Variants in NOL4L observed in about 807,000 individuals in gnomAD.
NOL4L encodes the protein nucleolar protein 4-like.
NOL4L carries 7 observed loss-of-function variants against 64.5 expected under a neutral mutation model. The ratio of observed to expected loss-of-function variants is 0.11; its 90% CI spans 0.06 to 0.20. The LOEUF is 0.20. NOL4L is among the 10% of genes least tolerant of loss of function. The pLI, the probability that NOL4L is intolerant of heterozygous loss-of-function variation, is 1.00. For synonymous variants in NOL4L, 413 were observed against 401.0 expected (o/e 1.03, Z -0.36); for missense variants, 680 against 967.1 (o/e 0.70, Z 3.94).
intron 1 of NOL4L, among the ~76,000 whole-genome samples, chr20:32,566,831 C>A (rs1451683163): frequency 2.6e-5 from 4 of 152,194 alleles, no homozygotes; most frequent in Non-Finnish European, 4.4e-5. Context: ...ACACAGTGGG[C>A]CTGTTCCTTG....
chr20:32,494,270 A>AAAAAAC (rs2016588580), intron 4 of NOL4L, among the ~76,000 whole-genome samples: 1 of 142,876 alleles, frequency 7.0e-6, no homozygotes, highest in African/African-American at 2.8e-5. Flanking sequence ...AAAAAAAAAA[A>AAAAAAC]AAAAAAAAAA....
chr20:32,572,451 G>A (rs914740798), intron 1 of NOL4L: 2 of 152,184 alleles, frequency 1.3e-5, no homozygotes, highest in Admixed American at 6.5e-5. Flanking sequence ...AGTAGCTGAC[G>A]TTGCTCTCCC....
chr20:32,454,771 C>T (rs761353960), intron 6 of NOL4L, among the ~76,000 whole-genome samples: 1 of 152,262 alleles, frequency 6.6e-6, no homozygotes, highest in Non-Finnish European at 1.5e-5. Context: ...GCAGGTAAGG[C>T]AGGCTCAGGG....
rs1290931979 is a variant in NOL4L at position 32,444,649 on chromosome 20, C to G, written c.*2947G>C. The G allele has an allele frequency of 6.6e-6, 1 of 152,254 alleles. No individual in the cohort carries two copies. The highest frequency in any genetic ancestry group is 6.5e-5 in the Admixed American group (1 of 15,290). 9.4% of individuals were successfully genotyped at this position (152,254 alleles called of 1,614,324 possible). On this transcript the variant is annotated 3_prime_UTR_variant, in exon 11 of 11. Transcript: ENST00000621426. Reference sequence around the variant, plus strand: ...TGATGATCCACCACTAAGACCAATGCCCACTTCTCTGATGCTACCCTTCTT... The same window carrying G: ...TGATGATCCACCACTAAGACCAATGGCCACTTCTCTGATGCTACCCTTCTT...
At chr20:32,536,965 C>T in intron 1 of NOL4L, 2 of 704,456 alleles carry the variant, frequency 2.8e-6, no homozygotes, top group East Asian at 1.4e-4. Context: ...GCGCGGGCCC[C>T]GCCCACCCCA....
At position 32,561,427 on chromosome 20, in the gene NOL4L, T is replaced by G. The variant is rs142125794; in HGVS notation, c.321+23143A>C. Among the ~76,000 whole-genome samples, 34 of 152,288 alleles carry G rather than the reference T, an allele frequency of 2.2e-4. No individual in the cohort carries two copies. The East Asian group carries it at 6.2e-3, about 28-fold the overall frequency. On this transcript the variant is annotated intron_variant, in intron 1 of 10. Transcript: ENST00000621426. ...AAAAACGAGGCTGAGTCCTTTTTCT[T>G]AATGGCGCAATACAAGAAGCATCAG...
chr20:32,582,740 C>T (rs1429863790), intron 1 of NOL4L, among the ~76,000 whole-genome samples: 5 of 152,174 alleles, frequency 3.3e-5, no homozygotes, highest in Admixed American at 6.5e-5. Context: ...GCAGAGGGCA[C>T]TGACCTAGGG....
chr20:32,495,930 A>T (rs1454041402), intron 4 of NOL4L, among the ~76,000 whole-genome samples: 1 of 152,084 alleles, frequency 6.6e-6, no homozygotes, highest in Non-Finnish European at 1.5e-5. Context: ...GCACCCCAAT[A>T]AAAGAAGTTA....
rs539193547 is a variant in NOL4L at position 32,471,489 on chromosome 20, T to G, written c.841+3112A>C. 2.0e-5 allele frequency among the ~76,000 whole-genome samples: 3 copies of G among 152,300 alleles called. No homozygotes were observed. In the South Asian group the frequency reaches 6.2e-4, roughly 32 times the overall value. On this transcript the variant is annotated intron_variant, in intron 5 of 10. Coordinates refer to ENST00000621426, the MANE Select transcript of NOL4L (RefSeq NM_001256798.2). ...TCCGCCATGGGATTTGCTCTGCCAC[T>G]CAGCCTTCATCTGCCTTTGTTAAAA...
chr20:32,556,284 G>T (rs567300168), intron 1 of NOL4L, among the ~76,000 whole-genome samples: 103 of 152,080 alleles, frequency 6.8e-4, no homozygotes, highest in Middle Eastern at 3.4e-3. Context: ...TGGGGGGGGG[G>T]GGTTTCCCTG....
chr20:32,544,504 T>A (rs544528687), intron 1 of NOL4L, among the ~76,000 whole-genome samples: 1 of 152,132 alleles, frequency 6.6e-6, no homozygotes, highest in Non-Finnish European at 1.5e-5. Flanking sequence ...CCAACAAGGA[T>A]TTTTCTCCAG....
intron 1 of NOL4L, among the ~76,000 whole-genome samples, chr20:32,539,211 C>T (rs1468477233): frequency 1.3e-5 from 2 of 152,170 alleles, no homozygotes; most frequent in Non-Finnish European, 2.9e-5. Flanking sequence ...TGGTTAAGCA[C>T]GTGAGTTCTG....
At chr20:32,456,634 G>A (rs1026761967) in intron 5 of NOL4L, among the ~76,000 whole-genome samples, 4 of 152,178 alleles carry the variant, frequency 2.6e-5, no homozygotes, top group African/African-American at 9.7e-5. Flanking sequence ...GCTGTGCAGG[G>A]CATGGAGGGT....
At chr20:32,452,189 G>T in intron 10 of NOL4L, 47 bp downstream of exon 10, 1 of 1,477,360 alleles carries the variant, frequency 6.8e-7, no homozygotes, top group Non-Finnish European at 9.0e-7. Flanking sequence ...TGCAGACCCA[G>T]CTGGGTGCTG....
chr20:32,449,532 C>A (rs1192407563), intron 10 of NOL4L, among the ~76,000 whole-genome samples: 1 of 152,194 alleles, frequency 6.6e-6, no homozygotes, highest in African/African-American at 2.4e-5. Flanking sequence ...TCCTCTCCGG[C>A]CAGAGAATGT....
chr20:32,454,244 C>CA (rs1268818448), intron 6 of NOL4L, among the ~76,000 whole-genome samples: 1 of 152,242 alleles, frequency 6.6e-6, no homozygotes, highest in East Asian at 1.9e-4. Flanking sequence ...AAGCAACGAG[C>CA]ATGCTGTCTG....
chr20:32,548,849 T>C (rs1452551206), intron 1 of NOL4L: 2 of 450,952 alleles, frequency 4.4e-6, no homozygotes, highest in Admixed American at 2.4e-5. Flanking sequence ...ACTGGATAAG[T>C]AAATTATGGT....
intron 10 of NOL4L, 139 bp downstream of exon 10, chr20:32,452,097 C>T: frequency 1.5e-6 from 1 of 645,768 alleles, no homozygotes. Flanking sequence ...AGCCGCCCCT[C>T]CTGCTCCCTA....
chr20:32,467,138 C>T (rs1234144945), intron 5 of NOL4L, among the ~76,000 whole-genome samples: 2 of 152,222 alleles, frequency 1.3e-5, no homozygotes, highest in African/African-American at 2.4e-5. Flanking sequence ...CGGCTTCACG[C>T]TGTGCTGGGG....
Sources: gnomAD v4.1 joint callset for allele counts (sites outside exome capture counted in the v4.1 genomes callset) on GRCh38, gnomAD v4.1.1 for gene constraint, MANE v1.5 for transcripts, NCBI Gene and HGNC (gene_info 2026-07-23, HGNC 2026-07-21) for gene names.